Variants in MORC4 observed in about 807,000 individuals in gnomAD.
MORC4 encodes MORC family CW-type zinc finger protein 4.
Under a neutral mutation model 65.5 loss-of-function variants are expected in MORC4, and 22 were observed. That is an observed-to-expected ratio of 0.34 (90% CI 0.24 to 0.48). MORC4 has a LOEUF of 0.48. Ranked by LOEUF, MORC4 falls within the 20% of genes least tolerant of loss-of-function variation. The pLI is 0.99. For missense variants in MORC4, 624 were observed against 703.0 expected (o/e 0.89, Z 1.27); for synonymous variants, 267 against 255.8 (o/e 1.04, Z -0.42).
chrX:106,985,093 T>C lies in MORC4; in HGVS notation c.674+3A>G. The stretch of plus-strand genomic sequence containing the variant: ...AGAATCTATCACCCTTGGAATACTA[T>C]ACCTGCGGATGTTCCAAATGAGAAC... On this transcript the variant is annotated splice_donor_region_variant and intron_variant, in intron 5 of 16. Coordinates refer to ENST00000355610, the MANE Select transcript of MORC4 (RefSeq NM_024657.5). 8.4e-7 allele frequency: 1 copy of C among 1,188,430 alleles called. No individual in the cohort carries two copies. The highest frequency in any genetic ancestry group is 1.1e-6 in the Non-Finnish European group (1 of 880,175).
intron 14 of MORC4, among the ~76,000 whole-genome samples, chrX:106,951,332 C>T (rs1163408274): frequency 5.4e-5 from 6 of 112,073 alleles, no homozygotes; most frequent in Non-Finnish European, 1.1e-4. Context: ...AAATAAATTA[C>T]AGCCACTAAT....
At chrX:106,957,497 T>C (rs780226486) in intron 11 of MORC4, among the ~76,000 whole-genome samples, 6 of 111,687 alleles carry the variant, frequency 5.4e-5, no homozygotes, top group Admixed American at 4.8e-4. Context: ...TAGACATTTT[T>C]CCCCTAAAAT....
At chrX:106,963,466 G>A (rs1156783538) in intron 9 of MORC4, among the ~76,000 whole-genome samples, 1 of 112,000 alleles carries the variant, frequency 8.9e-6, no homozygotes, top group African/African-American at 3.2e-5. Context: ...TGTTCCAAGA[G>A]CAACTTGTAG....
rs1934160409 is a variant in MORC4, at chrX:106,958,440, A to C, written c.1281T>G (p.Val427=). The change falls in exon 11 of 17, where the codon GTT becomes GTG. Residue 427 remains valine (V), a synonymous_variant. Coordinates refer to ENST00000355610, the MANE Select transcript of MORC4 (RefSeq NM_024657.5). ...PIPKVPDQTW[V]QCDECLKWRK... ...TCCATTTAAGACACTCATCACACTG[A>C]ACCCATGTCTGGTCAGGAACCTTCC... The C allele has an allele frequency of 8.3e-7, 1 of 1,206,571 alleles. No individual in the cohort carries two copies.
chrX:106,994,296 G>C (rs1399824003), intron 2 of MORC4, among the ~76,000 whole-genome samples: 1 of 111,765 alleles, frequency 8.9e-6, no homozygotes, highest in Non-Finnish European at 1.9e-5. Flanking sequence ...TTGAGGGGCA[G>C]TTTATACAAT....
At chrX:106,956,816 G>T (rs1934117171) in intron 12 of MORC4, 120 bp downstream of exon 12, 2 of 523,312 alleles carry the variant, frequency 3.8e-6, no homozygotes, top group Non-Finnish European at 6.5e-6. Flanking sequence ...GAGCAGAGAG[G>T]TGAGGAGGGA....
chrX:106,999,556 G>C (rs998542366), intron 2 of MORC4, 121 bp downstream of exon 2: 1 of 583,639 alleles, frequency 1.7e-6, no homozygotes, highest in Non-Finnish European at 2.4e-6. Flanking sequence ...GGCCGGTTCC[G>C]AGGCCCCCAC....
intron 9 of MORC4, among the ~76,000 whole-genome samples, chrX:106,973,250 T>C (rs1323847978): frequency 1.8e-5 from 2 of 111,954 alleles, no homozygotes; most frequent in East Asian, 5.6e-4. Context: ...AGAATATATA[T>C]AATTAGTATC....
chrX:106,953,405 TA>T (rs1934024404), intron 14 of MORC4, among the ~76,000 whole-genome samples: 1 of 111,073 alleles, frequency 9.0e-6, no homozygotes, highest in East Asian at 2.9e-4. Context: ...GAGACCAGGG[TA>T]AAAAGGTAAC....
chrX:106,999,616 C>T, intron 2 of MORC4, 61 bp downstream of exon 2: 8 of 1,058,126 alleles, frequency 7.6e-6, no homozygotes, highest in Non-Finnish European at 1.0e-5. Context: ...CTCGCGTCCG[C>T]GGCACCACGC....
chrX:106,942,554 C>T lies in MORC4; in HGVS notation c.2337G>A (p.Leu779=). The T allele has an allele frequency of 1.7e-6, 2 of 1,210,752 alleles. No individual in the cohort carries two copies. Among genetic ancestry groups the T allele is most frequent in the Non-Finnish European group, 2.2e-6 (2 of 895,229 alleles). Residue 779 remains leucine, a synonymous_variant, in exon 15 of 17, where the codon TTG becomes TTA. Transcript: ENST00000355610. ...AATTCCTTTCAGCCAAAACACGTTC[C>T]AATTTTTCTGTGGTTCTCTTCAATT... ...LEELKRTTEK[L]ERVLAERNLF... is the part of the protein sequence containing the mutation.
chrX:106,954,831 C>T, intron 14 of MORC4, 82 bp downstream of exon 14: 1 of 911,030 alleles, frequency 1.1e-6, no homozygotes, highest in South Asian at 2.3e-5. Context: ...AAAACAGAAA[C>T]AAGGTAAAAC....
In MORC4 at chrX:106,941,403, AG is replaced by A; in HGVS notation, c.*75del. On this transcript the variant is annotated 3_prime_UTR_variant, in exon 17 of 17. Coordinates refer to ENST00000355610, the MANE Select transcript of MORC4 (RefSeq NM_024657.5). ...GAGAGAGAGAGAGAGAGAGAGAGAGAGAGAGAGACGTGAGGGAGGGAGAGAA... is the reference window on the plus strand; with the variant it reads ...GAGAGAGAGAGAGAGAGAGAGAGAGAAGAGAGACGTGAGGGAGGGAGAGAA... 1.3e-6 allele frequency: 1 copy of A among 792,160 alleles called. No homozygotes were observed. Among genetic ancestry groups the A allele is most frequent in the Non-Finnish European group, 1.8e-6 (1 of 559,826 alleles). 65.3% of individuals were successfully genotyped at this position (792,160 alleles called of 1,213,427 possible).
intron 3 of MORC4, among the ~76,000 whole-genome samples, chrX:106,992,231 C>A (rs1329652834): frequency 3.6e-5 from 4 of 112,135 alleles, no homozygotes; most frequent in African/African-American, 1.3e-4. Context: ...ATTTTTGTTT[C>A]TTTGATGAAT....
chrX:106,969,650 C>T (rs1048113109), intron 9 of MORC4, among the ~76,000 whole-genome samples: 1 of 111,667 alleles, frequency 9.0e-6, no homozygotes, highest in Non-Finnish European at 1.9e-5. Context: ...GGGATATCAC[C>T]ACCAATCCCA....
At chrX:106,980,317 A>G (rs1934714440) in intron 7 of MORC4, among the ~76,000 whole-genome samples, 1 of 111,092 alleles carries the variant, frequency 9.0e-6, no homozygotes, top group Non-Finnish European at 1.9e-5. Context: ...TACCATTATG[A>G]AAAGTACCAG....
At chrX:106,946,857 G>C (rs757588828) in intron 14 of MORC4, among the ~76,000 whole-genome samples, 1 of 111,337 alleles carries the variant, frequency 9.0e-6, no homozygotes, top group Non-Finnish European at 1.9e-5. Context: ...GCCCAGGCTG[G>C]TCTTGAACTG....
intron 7 of MORC4, 62 bp downstream of exon 7, chrX:106,980,829 C>T (rs1029447412): frequency 3.6e-6 from 4 of 1,104,680 alleles, no homozygotes; most frequent in Admixed American, 5.1e-5. Flanking sequence ...CTGTGTCAAC[C>T]TGAAAACTTA....
At chrX:106,973,188 GCCTGTGA>G (rs1276700335) in intron 9 of MORC4, among the ~76,000 whole-genome samples, 4 of 112,181 alleles carry the variant, frequency 3.6e-5, no homozygotes, top group African/African-American at 1.3e-4. Flanking sequence ...TTTTGAAAAT[GCCTGTGA>G]CCTGTGACCC....
Sources: gnomAD v4.1 joint callset for allele counts (sites outside exome capture counted in the v4.1 genomes callset) on GRCh38, gnomAD v4.1.1 for gene constraint, MANE v1.5 for transcripts, NCBI Gene and HGNC (gene_info 2026-07-23, HGNC 2026-07-21) for gene names.